The following ZNF775 variants were observed in gnomAD, a reference collection of about 807,000 sequenced individuals.
ZNF775 encodes the protein zinc finger protein 775.
Under a neutral mutation model 2.4 loss-of-function variants are expected in ZNF775, and 1 was observed. That is an observed-to-expected ratio of 0.41 (90% CI 0.15 to 1.94). The LOEUF is 1.94. Among genes scored for constraint, ZNF775 ranks in the 30% most tolerant of loss-of-function variants. The probability of loss-of-function intolerance (pLI) is 0.30; values close to 1 mark genes in which losing one functional copy is unlikely to be tolerated. For synonymous variants in ZNF775, 381 were observed against 373.3 expected, an observed-to-expected ratio of 1.02 and a Z score of -0.24; for missense variants, 823 against 826.6, an observed-to-expected ratio of 1.00 and a Z score of 0.05.
In ZNF775 at chr7:150,398,075, C is replaced by A. The variant is rs1462503647; in HGVS notation, c.1594C>A (p.Pro532Thr). 1 of 1,557,696 alleles carries A rather than the reference C, an allele frequency of 6.4e-7. No homozygotes were observed. ...GCACCGCGCGGCCCCTGCGTGCAGC[C>A]CCAAGGAGGAGGCGCGCTAGTGGAC... ...RVHRAAPACS[P>T]KEEAR The change falls in exon 3 of 3, where the codon CCC (proline) becomes ACC (threonine). Residue 532 changes from proline to threonine, a missense_variant. Coordinates refer to ENST00000329630, the MANE Select transcript of ZNF775 (RefSeq NM_173680.4).
At chr7:150,392,720 A>G (rs1453251334) in intron 2 of ZNF775, among the ~76,000 whole-genome samples, 1 of 152,278 alleles carries the variant, frequency 6.6e-6, no homozygotes, top group African/African-American at 2.4e-5. Flanking sequence ...TTTTTTATAC[A>G]GACAGGTGTT....
At chr7:150,387,997 T>C (rs1173224162) in intron 1 of ZNF775, among the ~76,000 whole-genome samples, 1 of 151,914 alleles carries the variant, frequency 6.6e-6, no homozygotes, top group African/African-American at 2.4e-5. Flanking sequence ...CATTCTGCCT[T>C]CCGGGTGCAT....
chr7:150,390,326 T>G (rs975929872), intron 2 of ZNF775, among the ~76,000 whole-genome samples: 2 of 152,124 alleles, frequency 1.3e-5, no homozygotes, highest in Non-Finnish European at 2.9e-5. Flanking sequence ...GTCATTTGCG[T>G]CCGCCAGGGG....
intron 1 of ZNF775, among the ~76,000 whole-genome samples, chr7:150,383,571 G>A (rs1174048635): frequency 6.6e-6 from 1 of 152,172 alleles, no homozygotes; most frequent in East Asian, 1.9e-4. Context: ...AGCATGGCAG[G>A]GAGGCATTGG....
At position 150,385,818 on chromosome 7, in the gene ZNF775, G is replaced by C. The variant is rs77224076; in HGVS notation, c.-49-2604G>C. On this transcript the variant is annotated intron_variant, in intron 1 of 2. Coordinates refer to ENST00000329630, the MANE Select transcript of ZNF775 (RefSeq NM_173680.4). Reference sequence around the variant, plus strand: ...GAGATAGTTTTGTGATTTGGAGCCAGGCACCTGCTGAAATTAGGCTCCTAC... The same window carrying C: ...GAGATAGTTTTGTGATTTGGAGCCACGCACCTGCTGAAATTAGGCTCCTAC... Among the ~76,000 whole-genome samples, 1,452 of 152,282 alleles carry C rather than the reference G, an allele frequency of 9.5e-3. 21 individuals are homozygous for C. The highest frequency in any genetic ancestry group is 0.033 in the African/African-American group (1,366 of 41,534).
At chr7:150,379,619 G>C (rs1380540373) in intron 1 of ZNF775, among the ~76,000 whole-genome samples, 1 of 152,140 alleles carries the variant, frequency 6.6e-6, no homozygotes, top group Non-Finnish European at 1.5e-5. Flanking sequence ...CGAGGGGAAA[G>C]GGGCGCGGCC....
chr7:150,386,695 TTGCTC>T (rs1800460373), intron 1 of ZNF775, among the ~76,000 whole-genome samples: 1 of 152,116 alleles, frequency 6.6e-6, no homozygotes, highest in Admixed American at 6.5e-5. Flanking sequence ...AGCCACATCT[TTGCTC>T]TGCTAGGGGG....
intron 1 of ZNF775, among the ~76,000 whole-genome samples, chr7:150,379,667 A>G (rs766250207): frequency 2.0e-5 from 3 of 152,096 alleles, no homozygotes; most frequent in Non-Finnish European, 4.4e-5. Flanking sequence ...CAGCGAGGTT[A>G]GGAGGGAGGC....
chr7:150,396,292 C>A (rs1800649401), intron 2 of ZNF775, among the ~76,000 whole-genome samples: 1 of 152,142 alleles, frequency 6.6e-6, no homozygotes, highest in Admixed American at 6.5e-5. Context: ...TCTTAACCTG[C>A]CCTTGTTGTC....
At chr7:150,391,178 A>C (rs1800552501) in intron 2 of ZNF775, among the ~76,000 whole-genome samples, 1 of 152,242 alleles carries the variant, frequency 6.6e-6, no homozygotes, top group Non-Finnish European at 1.5e-5. Flanking sequence ...TGGCCTAGCC[A>C]CATAGGACTC....
At position 150,398,193 on chromosome 7, in the gene ZNF775, T is replaced by C. The variant is rs746188700; in HGVS notation, c.*98T>C. 2.1e-5 allele frequency: 31 copies of C among 1,487,692 alleles called. No homozygotes were observed. The highest frequency in any genetic ancestry group is 2.8e-5 in the Non-Finnish European group (31 of 1,119,490). 92.2% of individuals were successfully genotyped at this position (1,487,692 alleles called of 1,614,324 possible). A position where few individuals can be genotyped will look rare whatever the true frequency, so the allele number is the denominator to read the frequency against. Reference sequence around the variant, plus strand: ...CAGGATTGCTGGCTCTTAGAACCCCTTAGAGCGGGACCGGTGGATTCCTTA... The same window carrying C: ...CAGGATTGCTGGCTCTTAGAACCCCCTAGAGCGGGACCGGTGGATTCCTTA... On this transcript the variant is annotated 3_prime_UTR_variant, in exon 3 of 3. Transcript: ENST00000329630.
chr7:150,382,159 G>T lies in ZNF775; in HGVS notation c.-50+2767G>T, dbSNP rs576075997. On this transcript the variant is annotated intron_variant, in intron 1 of 2. Coordinates refer to ENST00000329630, the MANE Select transcript of ZNF775 (RefSeq NM_173680.4). This position sits in a 1 kb window ranked among gnomAD's most constrained non-coding sequence, Gnocchi z 4.6. ...GTGGCAAACCCTCTTCCTCCTGCAT[G>T]GTGGAGCGTGGAGGCTCCTGTGTGG... is the stretch of plus-strand genomic sequence containing the variant. Among the ~76,000 whole-genome samples, 6 of 152,250 alleles carry T rather than the reference G, an allele frequency of 3.9e-5. No homozygotes were observed. In the South Asian group the frequency reaches 1.2e-3, roughly 32 times the overall value.
chr7:150,389,225 AGT>A (rs1197418401), intron 2 of ZNF775, among the ~76,000 whole-genome samples: 1 of 152,202 alleles, frequency 6.6e-6, no homozygotes, highest in African/African-American at 2.4e-5. Context: ...CCTTTGGCAC[AGT>A]GTGACTCGGG....
In ZNF775 at chr7:150,397,206, G is replaced by GGCC; in HGVS notation, c.731_733dup (p.Pro244dup). ...CGCCGGGCCTGTCGCCTGCAGCCGGGGCCGCCGCGGGGGCGCCCCGAGTGG... is the reference window on the plus strand; with the variant it reads ...CGCCGGGCCTGTCGCCTGCAGCCGGGGCCGCCGCCGCGGGGGCGCCCCGAGTGG... On this transcript the variant is annotated inframe_insertion, in exon 3 of 3. Coordinates refer to ENST00000329630, the MANE Select transcript of ZNF775 (RefSeq NM_173680.4). 3 of 1,105,184 alleles carry GGCC rather than the reference G, an allele frequency of 2.7e-6. No individual in the cohort carries two copies. Among genetic ancestry groups the GGCC allele is most frequent in the Non-Finnish European group, 3.3e-6 (3 of 907,996 alleles). The allele number at this position is 1,105,184 out of a possible 1,614,324, so 68.5% of individuals were successfully genotyped here. A position where few individuals can be genotyped will look rare whatever the true frequency, so the allele number is the denominator to read the frequency against.
At chr7:150,394,520 T>A (rs1047379142) in intron 2 of ZNF775, among the ~76,000 whole-genome samples, 1 of 152,254 alleles carries the variant, frequency 6.6e-6, no homozygotes, top group African/African-American at 2.4e-5. Flanking sequence ...ATTTTGTTTC[T>A]ACCTGTAATG....
chr7:150,391,560 A>ATTTT (rs1800558628), intron 2 of ZNF775, among the ~76,000 whole-genome samples: 4 of 152,182 alleles, frequency 2.6e-5, no homozygotes, highest in African/African-American at 7.2e-5. Context: ...ACAATTAAAA[A>ATTTT]TGTCATTTCT....
rs189921712 is a variant in ZNF775, at chr7:150,388,443, C to T, written c.-28C>T. On this transcript the variant is annotated 5_prime_UTR_variant, in exon 2 of 3. Transcript: ENST00000329630. ...ACAGATGGCAGGAAAGGGACACAGC[C>T]GGCGCTGATGCTGGGAGGCCTCCAG... 5,348 of 1,551,602 alleles carry T rather than the reference C, an allele frequency of 3.4e-3. 14 individuals carry two copies. Among genetic ancestry groups the T allele is most frequent in the Non-Finnish European group, 4.3e-3 (4,920 of 1,146,932 alleles).
chr7:150,397,801 T>C lies in ZNF775; in HGVS notation c.1320T>C (p.Pro440=). 6.4e-7 allele frequency: 1 copy of C among 1,566,634 alleles called. No homozygotes were observed. The highest frequency in any genetic ancestry group is 8.6e-7 in the Non-Finnish European group (1 of 1,161,836). ...GGGGACAAGCGGGCCTCGCTGGGCC[T>C]GGCGAGCCGCGCCAGTTCATCTGCA... ...WGRGQAGLAG[P]GEPRQFICNE... The change falls in exon 3 of 3, where the codon CCT becomes CCC. Residue 440 remains proline, a synonymous_variant. Transcript: ENST00000329630.
At position 150,397,026 on chromosome 7, in the gene ZNF775, A is replaced by G. The variant is rs779039948; in HGVS notation, c.545A>G (p.Gln182Arg). The change falls in exon 3 of 3, where the codon CAG becomes CGG. Residue 182 changes from glutamine to arginine, a missense_variant. By Grantham distance (43) the Gln-to-Arg change is conservative. Coordinates refer to ENST00000329630, the MANE Select transcript of ZNF775 (RefSeq NM_173680.4). ...CAGAAGCAGCACCTGCTCAAGCACCAGAAGACCCACTCCCGGCCCGCCACC... is the reference window on the plus strand; with the variant it reads ...CAGAAGCAGCACCTGCTCAAGCACCGGAAGACCCACTCCCGGCCCGCCACC... ...FSQKQHLLKH[Q>R]KTHSRPATHS... 7 of 1,595,180 alleles carry G rather than the reference A, an allele frequency of 4.4e-6. No homozygotes were observed. Among genetic ancestry groups the G allele is most frequent in the Non-Finnish European group, 5.1e-6 (6 of 1,177,390 alleles).
Sources: allele counts gnomAD v4.1 joint callset (sites outside exome capture counted in the v4.1 genomes callset), GRCh38; gene constraint gnomAD v4.1.1; non-coding constraint Gnocchi (gnomAD v3.1); transcripts MANE v1.5; gene names NCBI Gene and HGNC (gene_info 2026-07-23, HGNC 2026-07-21).